Variants in AFF1 observed in about 807,000 individuals in gnomAD.
AFF1 encodes the protein ALF transcription elongation factor 1, also known as AF4/FMR2 family member 1.
Under a neutral mutation model 121.7 loss-of-function variants are expected in AFF1, and 48 were observed. That is an observed-to-expected ratio of 0.39 (90% CI 0.31 to 0.50). AFF1 has a LOEUF of 0.50. Among genes scored for constraint, AFF1 ranks in the 20% least tolerant of loss-of-function variants. The pLI is 0.76. For missense variants in AFF1, 1,523 were observed against 1,511.7 expected (o/e 1.01, Z -0.12); for synonymous variants, 613 against 563.0 (o/e 1.09, Z -1.26).
intron 2 of AFF1, among the ~76,000 whole-genome samples, chr4:86,998,114 A>C (rs867783866): frequency 1.8e-3 from 255 of 145,492 alleles, no homozygotes; most frequent in African/African-American, 6.8e-3. Flanking sequence ...AAAAAAAAAA[A>C]AAAAAAAAAA....
At chr4:87,046,455 G>A (rs1030886210) in intron 3 of AFF1, among the ~76,000 whole-genome samples, 169 bp downstream of exon 3, 1 of 152,188 alleles carries the variant, frequency 6.6e-6, no homozygotes, top group Non-Finnish European at 1.5e-5. Flanking sequence ...AAAATTCTCT[G>A]AAGGTTGTTA....
At chr4:86,951,181 A>G (rs540483257) in intron 2 of AFF1, among the ~76,000 whole-genome samples, 4 of 152,326 alleles carry the variant, frequency 2.6e-5, no homozygotes, top group East Asian at 1.9e-4. Context: ...AGAATTGAAT[A>G]GCTTCGGCTC....
intron 2 of AFF1, chr4:87,007,495 C>T (rs368838792): frequency 2.5e-6 from 4 of 1,595,786 alleles, no homozygotes; most frequent in African/African-American, 2.7e-5. Flanking sequence ...CGGGGGAGGG[C>T]AGGGTGCGGG....
rs372807691 is a variant in AFF1 at position 87,115,071 on chromosome 4, C to T, written c.2238C>T (p.Leu746=). 24 of 1,614,044 alleles carry T rather than the reference C, an allele frequency of 1.5e-5. No individual in the cohort carries two copies. The East Asian group carries it at 4.7e-4, about 31-fold the overall frequency. Residue 746 remains leucine, a synonymous_variant, in exon 12 of 21, where the codon CTC becomes CTT. Coordinates refer to ENST00000395146, the MANE Select transcript of AFF1 (RefSeq NM_001166693.3). ...AGGAGGACAGCCGCAAAGACAGACTCCCATTGCCTTTGAGAGACACCAAGC... is the reference window on the plus strand; with the variant it reads ...AGGAGGACAGCCGCAAAGACAGACTTCCATTGCCTTTGAGAGACACCAAGC... ...VVQEDSRKDR[L]PLPLRDTKLL... is the part of the protein sequence containing the mutation.
chr4:86,976,673 G>C (rs1299535538), intron 2 of AFF1, among the ~76,000 whole-genome samples: 1 of 152,172 alleles, frequency 6.6e-6, no homozygotes, highest in Non-Finnish European at 1.5e-5. Context: ...TATTACCTGG[G>C]TGACGAAATA....
intron 4 of AFF1, among the ~76,000 whole-genome samples, chr4:87,066,771 C>A (rs145522631): frequency 0.017 from 2,619 of 152,308 alleles, 30 homozygotes; most frequent in Middle Eastern, 0.072. Flanking sequence ...CTCAACCCAA[C>A]CCTGAAGGTT....
At chr4:86,944,195 C>A (rs1403761867) in intron 1 of AFF1, among the ~76,000 whole-genome samples, 1 of 146,778 alleles carries the variant, frequency 6.8e-6, no homozygotes, top group Non-Finnish European at 1.5e-5. Flanking sequence ...TGCCCCAGCA[C>A]ATGGTTTGGC....
intron 2 of AFF1, among the ~76,000 whole-genome samples, chr4:86,983,270 G>A (rs537955831): frequency 1.3e-5 from 2 of 152,280 alleles, no homozygotes; most frequent in African/African-American, 4.8e-5. Flanking sequence ...GTTCACTCCT[G>A]TAATCCCAGC....
chr4:87,050,662 G>A (rs1165087039), intron 4 of AFF1, among the ~76,000 whole-genome samples: 4 of 152,186 alleles, frequency 2.6e-5, no homozygotes, highest in Non-Finnish European at 5.9e-5. Flanking sequence ...TCCGACTAGA[G>A]GCCTGGACCA....
intron 1 of AFF1, among the ~76,000 whole-genome samples, chr4:86,946,333 T>G (rs1281515923): frequency 6.6e-6 from 1 of 152,214 alleles, no homozygotes; most frequent in Non-Finnish European, 1.5e-5. Context: ...GTAAGCTCAA[T>G]GGTAGCAAGA....
At chr4:86,944,092 C>T (rs1029916374) in intron 1 of AFF1, among the ~76,000 whole-genome samples, 1 of 148,612 alleles carries the variant, frequency 6.7e-6, no homozygotes, top group Non-Finnish European at 1.5e-5. Context: ...TGCAGTGAGC[C>T]ATGACTGTGC....
intron 10 of AFF1, among the ~76,000 whole-genome samples, chr4:87,107,093 A>AG (rs3841987): frequency 0.57 from 87,225 of 152,000 alleles, 25,320 homozygotes; most frequent in Middle Eastern, 0.69. Flanking sequence ...TTCAGCTGCC[A>AG]TGGAGACAGG....
intron 2 of AFF1, among the ~76,000 whole-genome samples, chr4:86,968,558 T>G (rs1722695401): frequency 6.6e-6 from 1 of 152,242 alleles, no homozygotes; most frequent in African/African-American, 2.4e-5. Context: ...AAAACTCCTG[T>G]GACCTTACAT....
At chr4:86,995,703 G>A (rs1725101319) in intron 2 of AFF1, among the ~76,000 whole-genome samples, 1 of 151,838 alleles carries the variant, frequency 6.6e-6, no homozygotes, top group Admixed American at 6.6e-5. Flanking sequence ...CTCCCAAAGT[G>A]CCGAGATTGC....
intron 20 of AFF1, among the ~76,000 whole-genome samples, chr4:87,135,014 AGAG>A (rs2149807011): frequency 6.6e-6 from 1 of 152,360 alleles, no homozygotes; most frequent in African/African-American, 2.4e-5. Flanking sequence ...CAAATGAAGA[AGAG>A]GAGCCACTGG....
At chr4:86,982,388 CTTTTTTTTTTTTTTTTTT>C (rs70953632) in intron 2 of AFF1, among the ~76,000 whole-genome samples, 1 of 58,592 alleles carries the variant, frequency 1.7e-5, no homozygotes, top group Admixed American at 3.0e-4. Context: ...AAAAAATTGG[CTTTTTTTTTTTTTTTTTT>C]TTTTTTTTTT....
intron 2 of AFF1, among the ~76,000 whole-genome samples, chr4:87,031,818 T>G (rs1369716500): frequency 6.6e-6 from 1 of 152,222 alleles, no homozygotes; most frequent in East Asian, 1.9e-4. Flanking sequence ...ATGGAAACTT[T>G]ACAGCCTTAT....
chr4:87,095,727 C>T (rs1186495064), intron 8 of AFF1, among the ~76,000 whole-genome samples: 2 of 152,076 alleles, frequency 1.3e-5, no homozygotes, highest in Non-Finnish European at 2.9e-5. Context: ...GTTATGGGAA[C>T]GTTTTAGACT....
rs374948523 is a variant in AFF1, at chr4:87,047,577, C to G, written c.1042C>G (p.Pro348Ala). The G allele has an allele frequency of 8.1e-5, 131 of 1,614,160 alleles. No individual in the cohort carries two copies. The highest frequency in any genetic ancestry group is 9.7e-5 in the Non-Finnish European group (114 of 1,180,026). ...AGCCAAGCTCACCAAACTGAAGATG[C>G]CTTCTCAGTCAGTTGAGGTGTGTGG... ...AKAKLTKLKMPSQSVEQTYSN... is the reference protein window; with the variant it reads ...AKAKLTKLKMASQSVEQTYSN... The change falls in exon 4 of 21, where the codon CCT (proline) becomes GCT (alanine). Residue 348 changes from proline (P) to alanine (A), a missense_variant. Physicochemically the swap from Pro to Ala is conservative, Grantham distance 27. This residue lies in a region of AFF1 where 905 missense variants were observed against 842.5 expected (regional missense o/e 1.07). Transcript: ENST00000395146.
Sources: allele counts gnomAD v4.1 joint callset (sites outside exome capture counted in the v4.1 genomes callset), GRCh38; gene constraint gnomAD v4.1.1; regional missense constraint gnomAD v4.1.1; transcripts MANE v1.5; gene names NCBI Gene and HGNC (gene_info 2026-07-23, HGNC 2026-07-21).